The following AKAP19 variants were observed in gnomAD, a reference collection of about 807,000 sequenced individuals.
AKAP19 encodes A-kinase anchoring protein 19, also known as small A-kinase anchoring protein.
chr2:189,969,098 G>A, the AKAP19 span, among the ~76,000 whole-genome samples: 20 of 152,150 alleles, frequency 1.3e-4, 1 homozygote, highest in South Asian at 4.0e-3. Context: ...GTACCAATTT[G>A]CCTTTTTACT....
the AKAP19 span, among the ~76,000 whole-genome samples, chr2:190,192,989 G>A: frequency 1.3e-4 from 19 of 151,762 alleles, no homozygotes; most frequent in Admixed American, 3.3e-4. Context: ...CAATCTTTAT[G>A]CTTTGTATGT....
chr2:190,087,433 C>T, the AKAP19 span, among the ~76,000 whole-genome samples: 3 of 152,194 alleles, frequency 2.0e-5, no homozygotes, highest in Non-Finnish European at 4.4e-5. Context: ...AGGCAGCTAA[C>T]TGGCATCCAC....
At chr2:189,923,227 A>T in the AKAP19 span, 2 of 1,083,420 alleles carry the variant, frequency 1.8e-6, no homozygotes, top group African/African-American at 3.2e-5. Context: ...GACCTCCAGC[A>T]GCAGTCGGCT....
the AKAP19 span, among the ~76,000 whole-genome samples, chr2:189,928,188 G>T: frequency 6.6e-6 from 1 of 152,046 alleles, no homozygotes; most frequent in Non-Finnish European, 1.5e-5. Flanking sequence ...CTTCAGATTA[G>T]TATCAGATAT....
chr2:190,191,095 A>C, the AKAP19 span, among the ~76,000 whole-genome samples: 1 of 152,164 alleles, frequency 6.6e-6, no homozygotes, highest in Non-Finnish European at 1.5e-5. Flanking sequence ...TTTGTTGTCA[A>C]CTTTTGGCAA....
chr2:190,089,766 C>G, the AKAP19 span, among the ~76,000 whole-genome samples: 1 of 152,186 alleles, frequency 6.6e-6, no homozygotes, highest in Non-Finnish European at 1.5e-5. Flanking sequence ...CAGGACTCCC[C>G]AGAGTCCTAA....
the AKAP19 span, among the ~76,000 whole-genome samples, chr2:189,964,332 A>G: frequency 6.6e-6 from 1 of 152,188 alleles, no homozygotes; most frequent in African/African-American, 2.4e-5. Flanking sequence ...TTGTTGTTCC[A>G]TTTATAGAGC....
At chr2:190,035,651 T>C in the AKAP19 span, among the ~76,000 whole-genome samples, 1 of 151,232 alleles carries the variant, frequency 6.6e-6, no homozygotes. Flanking sequence ...GAATTTTGCC[T>C]TTTTCTAGAT....
chr2:189,913,932 T>G, the AKAP19 span, among the ~76,000 whole-genome samples: 1 of 152,100 alleles, frequency 6.6e-6, no homozygotes, highest in African/African-American at 2.4e-5. Flanking sequence ...CTTTAGGTTA[T>G]TGGTAGCTAT....
the AKAP19 span, among the ~76,000 whole-genome samples, chr2:190,028,816 T>C: frequency 6.6e-6 from 1 of 152,314 alleles, no homozygotes; most frequent in African/African-American, 2.4e-5. Context: ...ATATATCTTT[T>C]TTCCAAAGAT....
At chr2:190,001,785 G>A in the AKAP19 span, among the ~76,000 whole-genome samples, 1 of 152,170 alleles carries the variant, frequency 6.6e-6, no homozygotes, top group Admixed American at 6.5e-5. Context: ...AGTCTCCTAT[G>A]TGCACATATG....
the AKAP19 span, among the ~76,000 whole-genome samples, chr2:190,069,424 T>C: frequency 6.6e-6 from 1 of 152,094 alleles, no homozygotes. Flanking sequence ...AACCAACCAC[T>C]CCCCAAGAGA....
chr2:190,003,636 G>A, the AKAP19 span, among the ~76,000 whole-genome samples: 20 of 152,080 alleles, frequency 1.3e-4, no homozygotes, highest in Middle Eastern at 3.2e-3. Flanking sequence ...GGCCACAAGC[G>A]GCGGATCTCT....
chr2:190,061,587 T>C, the AKAP19 span, among the ~76,000 whole-genome samples: 13 of 152,188 alleles, frequency 8.5e-5, no homozygotes, highest in Admixed American at 5.9e-4. Context: ...GTTTATTTCT[T>C]AGGCATTTTC....
At chr2:190,003,393 T>TTTTTGCTATAACCAACAAAC in the AKAP19 span, among the ~76,000 whole-genome samples, 2 of 152,156 alleles carry the variant, frequency 1.3e-5, no homozygotes, top group Non-Finnish European at 2.9e-5. Flanking sequence ...TGTTTCCAAA[T>TTTTTGCTATAACCAACAAAC]TTTTGCTATA....
chr2:190,173,517 C>T, the AKAP19 span, among the ~76,000 whole-genome samples: 7 of 152,122 alleles, frequency 4.6e-5, no homozygotes, highest in African/African-American at 1.7e-4. Flanking sequence ...GCCAAGTGCA[C>T]GTGAATTTAT....
chr2:190,009,621 C>T, the AKAP19 span, among the ~76,000 whole-genome samples: 1 of 152,146 alleles, frequency 6.6e-6, no homozygotes, highest in South Asian at 2.1e-4. Context: ...TATTAAAATC[C>T]AAAGGGAGCT....
At chr2:190,102,046 A>ATC in the AKAP19 span, among the ~76,000 whole-genome samples, 3 of 152,174 alleles carry the variant, frequency 2.0e-5, no homozygotes, top group Non-Finnish European at 2.9e-5. Context: ...TACAAAGAAG[A>ATC]TCTCTCAAAG....
At chr2:189,916,842 T>G in the AKAP19 span, among the ~76,000 whole-genome samples, 3 of 152,192 alleles carry the variant, frequency 2.0e-5, no homozygotes, top group African/African-American at 7.2e-5. Flanking sequence ...TACCACAGTT[T>G]GTTTAGTCAT....
Sources: gnomAD v4.1 joint callset for allele counts (sites outside exome capture counted in the v4.1 genomes callset) on GRCh38, gnomAD v4.1.1 for gene constraint, MANE v1.5 for transcripts, NCBI Gene and HGNC (gene_info 2026-07-23, HGNC 2026-07-21) for gene names.